The following FAT3 variants were observed in gnomAD, a reference collection of about 807,000 sequenced individuals.
FAT3 encodes FAT atypical cadherin 3.
Under a neutral mutation model 310.2 loss-of-function variants are expected in FAT3, and 95 were observed. The observed-to-expected ratio is 0.31, with a 90% confidence interval of 0.26 to 0.36. FAT3 has a LOEUF of 0.36. Among genes scored for constraint, FAT3 ranks in the 10% least tolerant of loss-of-function variants. The probability of loss-of-function intolerance (pLI) is 1.00; values close to 1 mark genes in which losing one functional copy is unlikely to be tolerated. For synonymous variants in FAT3, 2,314 were observed against 2,192.9 expected (o/e 1.06, Z -1.54); for missense variants, 5,408 against 5,715.6 (o/e 0.95, Z 1.74).
At chr11:92,810,568 C>T (rs1271205152) in intron 13 of FAT3, among the ~76,000 whole-genome samples, 1 of 152,136 alleles carries the variant, frequency 6.6e-6, no homozygotes, top group Non-Finnish European at 1.5e-5. Flanking sequence ...ACTAAATGTG[C>T]TGCCAGTCCA....
intron 2 of FAT3, among the ~76,000 whole-genome samples, chr11:92,466,471 C>T (rs1951762542): frequency 6.6e-6 from 1 of 151,944 alleles, no homozygotes; most frequent in Non-Finnish European, 1.5e-5. Flanking sequence ...TGCTTCAAAT[C>T]TATCACTTAT....
intron 19 of FAT3, among the ~76,000 whole-genome samples, chr11:92,852,075 G>A (rs571192378): frequency 1.3e-5 from 2 of 152,284 alleles, no homozygotes; most frequent in East Asian, 1.9e-4. Flanking sequence ...AAAGAGGGTT[G>A]CTATCCCCAG....
At chr11:92,805,064 G>A in intron 10 of FAT3, 89 bp from the exon 11 acceptor site, 2 of 1,327,788 alleles carry the variant, frequency 1.5e-6, no homozygotes, top group Non-Finnish European at 2.1e-6. Flanking sequence ...GGAGTACCTG[G>A]ATGACTCCAC....
intron 3 of FAT3, among the ~76,000 whole-genome samples, chr11:92,615,355 T>G (rs186935575): frequency 0.012 from 1,823 of 152,276 alleles, 35 homozygotes; most frequent in African/African-American, 0.041. Flanking sequence ...CAAGCAATTC[T>G]CCCGCCTCAG....
At chr11:92,356,667 C>A (rs1053864219) in intron 2 of FAT3, among the ~76,000 whole-genome samples, 1 of 152,142 alleles carries the variant, frequency 6.6e-6, no homozygotes, top group Non-Finnish European at 1.5e-5. Context: ...CAAAACCTAA[C>A]TTCCTCCCAA....
intron 1 of FAT3, among the ~76,000 whole-genome samples, chr11:92,234,773 G>C (rs1332010333): frequency 1.3e-5 from 2 of 151,882 alleles, no homozygotes; most frequent in African/African-American, 2.4e-5. Flanking sequence ...GTGGTGGTGG[G>C]TGCCTGTAAT....
In FAT3 at chr11:92,799,588, C is replaced by T. The variant is rs1947274718; in HGVS notation, c.6575C>T (p.Thr2192Ile). Residue 2192 changes from threonine to isoleucine, a missense_variant, in exon 10 of 28, where the codon ACA (threonine) becomes ATA (isoleucine). Physicochemically the swap from Thr to Ile is moderately conservative, Grantham distance 89. Coordinates refer to ENST00000525166, the MANE Select transcript of FAT3 (RefSeq NM_001367949.2). ...AMPVFDKPFY[T>I]ASVNEDIRMN... ...CCTGTGTTTGATAAGCCCTTTTATACAGCATCTGTCAATGAAGACATCAGA... is the reference window on the plus strand; with the variant it reads ...CCTGTGTTTGATAAGCCCTTTTATATAGCATCTGTCAATGAAGACATCAGA... 2 of 1,613,786 alleles carry T rather than the reference C, an allele frequency of 1.2e-6. No individual in the cohort carries two copies. Among genetic ancestry groups the T allele is most frequent in the African/African-American group, 1.3e-5 (1 of 75,012 alleles).
At chr11:92,713,235 A>C (rs767065819) in intron 4 of FAT3, among the ~76,000 whole-genome samples, 33 of 152,236 alleles carry the variant, frequency 2.2e-4, no homozygotes, top group Non-Finnish European at 2.9e-4. Context: ...AAAACTGCAA[A>C]GAATGATAAG....
chr11:92,718,852 T>C (rs1944768423), intron 4 of FAT3, among the ~76,000 whole-genome samples: 1 of 152,184 alleles, frequency 6.6e-6, no homozygotes, highest in Non-Finnish European at 1.5e-5. Context: ...CTAAGTCTAA[T>C]GATCTTGAGT....
intron 1 of FAT3, among the ~76,000 whole-genome samples, chr11:92,286,356 G>A (rs1000015124): frequency 2.6e-5 from 4 of 152,088 alleles, no homozygotes; most frequent in African/African-American, 7.2e-5. Context: ...CTGGATAATC[G>A]AGCAGTGCGT....
chr11:92,448,076 G>T (rs1252392917), intron 2 of FAT3, among the ~76,000 whole-genome samples: 1 of 152,086 alleles, frequency 6.6e-6, no homozygotes, highest in African/African-American at 2.4e-5. Flanking sequence ...TGTGGCCTCG[G>T]ACAAGTCTTT....
At chr11:92,413,563 G>C (rs1950343027) in intron 2 of FAT3, among the ~76,000 whole-genome samples, 1 of 152,094 alleles carries the variant, frequency 6.6e-6, no homozygotes, top group Non-Finnish European at 1.5e-5. Flanking sequence ...ATAAAGGAAA[G>C]GTTCAGTTTT....
intron 1 of FAT3, among the ~76,000 whole-genome samples, chr11:92,283,935 G>A (rs1241914871): frequency 6.6e-6 from 1 of 151,760 alleles, no homozygotes; most frequent in East Asian, 1.9e-4. Context: ...TTGTGTCTTG[G>A]GACACAAAAG....
intron 3 of FAT3, among the ~76,000 whole-genome samples, chr11:92,672,970 G>T (rs917309663): frequency 6.6e-6 from 1 of 152,162 alleles, no homozygotes. Context: ...TGACCATCTG[G>T]TAGTGATATT....
At chr11:92,467,294 C>G (rs1049737355) in intron 2 of FAT3, among the ~76,000 whole-genome samples, 3 of 151,944 alleles carry the variant, frequency 2.0e-5, no homozygotes, top group African/African-American at 7.3e-5. Flanking sequence ...GAGATGGTAT[C>G]TCGTTGTTTT....
At chr11:92,254,642 C>T (rs554085158) in intron 1 of FAT3, among the ~76,000 whole-genome samples, 1 of 152,178 alleles carries the variant, frequency 6.6e-6, no homozygotes, top group East Asian at 1.9e-4. Context: ...AAATTTTACT[C>T]CTAGGAGTCA....
intron 13 of FAT3, among the ~76,000 whole-genome samples, chr11:92,827,460 G>A (rs1213516451): frequency 6.6e-6 from 1 of 152,194 alleles, no homozygotes; most frequent in Non-Finnish European, 1.5e-5. Context: ...CTCTAGAAAT[G>A]CAGACCCAGG....
chr11:92,790,188 G>T lies in FAT3; in HGVS notation c.4581G>T (p.Glu1527Asp). The T allele has an allele frequency of 1.9e-6, 3 of 1,613,626 alleles. No individual in the cohort carries two copies. The highest frequency in any genetic ancestry group is 2.5e-6 in the Non-Finnish European group (3 of 1,179,656). ...ATACTGCCGAGAGGCTGGACCATGA[G>T]GCCCAGGACAAGCACATTCTCAACA... The part of the protein sequence containing the change: ...VLYTAERLDH[E>D]AQDKHILNIM... The change falls in exon 8 of 28, where the codon GAG (glutamate) becomes GAT (aspartate). Residue 1527 changes from glutamate (E) to aspartate (D), a missense_variant. Around this residue, in one of 5 missense-constraint regions of FAT3, gnomAD observed 4,588 missense variants for 4,809.8 expected, o/e 0.95. Coordinates refer to ENST00000525166, the MANE Select transcript of FAT3 (RefSeq NM_001367949.2).
chr11:92,883,613 G>T lies in FAT3; in HGVS notation c.12937+220G>T, dbSNP rs576556823. Among the ~76,000 whole-genome samples, 1 of 152,294 alleles carries T rather than the reference G, an allele frequency of 6.6e-6. No homozygotes were observed. The highest frequency in any genetic ancestry group is 2.4e-5 in the African/African-American group (1 of 41,572). On this transcript the variant is annotated intron_variant, in intron 24 of 27. Transcript: ENST00000525166. This position sits in a 1 kb window ranked among gnomAD's most constrained non-coding sequence, Gnocchi z 4.2. ...AAGCTCAGAGAGGGTAACATCATGA[G>T]CCCAAGGTGAGGCAGCTAGTAAGAG...
Sources: allele counts gnomAD v4.1 joint callset (sites outside exome capture counted in the v4.1 genomes callset), GRCh38; gene constraint gnomAD v4.1.1; regional missense constraint gnomAD v4.1.1; non-coding constraint Gnocchi (gnomAD v3.1); transcripts MANE v1.5; gene names NCBI Gene and HGNC (gene_info 2026-07-23, HGNC 2026-07-21).